RYR3: variants seen among roughly 807,000 people sequenced by gnomAD.
The protein encoded by RYR3 is brain ryanodine receptor-calcium release channel.
Under a neutral mutation model 584.3 loss-of-function variants are expected in RYR3, and 207 were observed. The observed-to-expected ratio is 0.35, with a 90% confidence interval of 0.32 to 0.40. The LOEUF (loss-of-function observed/expected upper bound fraction) is 0.40. RYR3 is among the 10% of genes least tolerant of loss of function. RYR3 has a pLI of 1.00. For missense variants in RYR3, 5,616 were observed against 6,089.2 expected (o/e 0.92, Z 2.59); for synonymous variants, 2,416 against 2,248.5 (o/e 1.07, Z -2.11).
chr15:33,662,000 G>C (rs958585880), intron 34 of RYR3, among the ~76,000 whole-genome samples, 153 bp from the exon 35 acceptor site: 1 of 152,194 alleles, frequency 6.6e-6, no homozygotes, highest in Non-Finnish European at 1.5e-5. Context: ...ATACGGACCA[G>C]AGCTGAGAGA....
chr15:33,840,971 A>T, intron 90 of RYR3, 88 bp downstream of exon 90: 1 of 1,197,440 alleles, frequency 8.4e-7, no homozygotes. Context: ...TAATCCCAGC[A>T]CTTTGAGAGG....
intron 2 of RYR3, among the ~76,000 whole-genome samples, chr15:33,490,048 G>A (rs1446294715): frequency 6.6e-6 from 1 of 152,144 alleles, no homozygotes; most frequent in African/African-American, 2.4e-5. Context: ...TGATAATAGA[G>A]CAAATAGTTG....
At chr15:33,820,847 C>T (rs1304107504) in intron 78 of RYR3, 35 bp downstream of exon 78, 45 of 1,392,342 alleles carry the variant, frequency 3.2e-5, no homozygotes, top group Non-Finnish European at 4.1e-5. Flanking sequence ...TAGAGCCACC[C>T]TCCAAGGCCA....
chr15:33,743,059 A>G (rs566663485), intron 52 of RYR3, among the ~76,000 whole-genome samples: 1 of 152,334 alleles, frequency 6.6e-6, no homozygotes, highest in African/African-American at 2.4e-5. Context: ...AAGGATATCC[A>G]GGATTCCTGT....
At chr15:33,810,931 G>A (rs1387787799) in intron 71 of RYR3, 47 bp from the exon 72 acceptor site, 9 of 1,514,458 alleles carry the variant, frequency 5.9e-6, no homozygotes, top group Non-Finnish European at 8.2e-6. Flanking sequence ...CTACTTGACA[G>A]TTCCATGGTG....
At chr15:33,473,900 T>C (rs1476217238) in intron 2 of RYR3, among the ~76,000 whole-genome samples, 1 of 152,186 alleles carries the variant, frequency 6.6e-6, no homozygotes, top group African/African-American at 2.4e-5. Flanking sequence ...CCTGCTGTTG[T>C]TCTATTGCTA....
At chr15:33,706,701 G>A (rs181916026) in intron 42 of RYR3, among the ~76,000 whole-genome samples, 8 of 152,316 alleles carry the variant, frequency 5.3e-5, no homozygotes, top group Non-Finnish European at 8.8e-5. Context: ...ATACCCAGAA[G>A]TGAAATTGCT....
At chr15:33,416,282 T>C (rs1160261076) in intron 1 of RYR3, among the ~76,000 whole-genome samples, 1 of 152,214 alleles carries the variant, frequency 6.6e-6, no homozygotes, top group East Asian at 1.9e-4. Context: ...ATCTCCAAGC[T>C]GCTTTCCACA....
At position 33,668,063 on chromosome 15, in the gene RYR3, G is replaced by GA. The variant is rs35864583; in HGVS notation, c.5620-1276dup. Among the ~76,000 whole-genome samples, 563 of 97,620 alleles carry GA rather than the reference G, an allele frequency of 5.8e-3. 20 individuals carry two copies. The highest frequency in any genetic ancestry group is 0.022 in the African/African-American group (541 of 24,894). The allele number at this position is 97,620 out of a possible 152,430, so 64.0% of individuals were successfully genotyped here. A position where few individuals can be genotyped will look rare whatever the true frequency, so the allele number is the denominator to read the frequency against. On this transcript the variant is annotated intron_variant, in intron 36 of 103. Transcript: ENST00000634891. ...GGGCAACAAAGCAAGACTCAGTCTT[G>GA]AAAAAAAAAAAAAAATCCCTGAGAC...
chr15:33,696,862 G>A (rs2065894109), intron 39 of RYR3, among the ~76,000 whole-genome samples: 1 of 152,142 alleles, frequency 6.6e-6, no homozygotes, highest in African/African-American at 2.4e-5. Context: ...CTGAAAAATT[G>A]CCACCTGATC....
At position 33,681,472 on chromosome 15, in the gene RYR3, A is replaced by G. The variant is rs148409779; in HGVS notation, c.5860+10916A>G. On this transcript the variant is annotated intron_variant, in intron 38 of 103. Coordinates refer to ENST00000634891, the MANE Select transcript of RYR3 (RefSeq NM_001036.6). ...TCTGAAAAGTCTCTTTTGTAAGGTAACATATTCATAGGTTCTGGTAATTAG... is the reference window on the plus strand; with the variant it reads ...TCTGAAAAGTCTCTTTTGTAAGGTAGCATATTCATAGGTTCTGGTAATTAG... Among the ~76,000 whole-genome samples the G allele has an allele frequency of 3.1e-3, 476 of 152,314 alleles. 4 individuals carry two copies. The highest frequency in any genetic ancestry group is 0.011 in the African/African-American group (450 of 41,572).
chr15:33,727,377 T>G (rs2068555766), intron 46 of RYR3, among the ~76,000 whole-genome samples: 1 of 152,174 alleles, frequency 6.6e-6, no homozygotes, highest in Non-Finnish European at 1.5e-5. Context: ...CCACAGAAGG[T>G]TTTTGTGGGA....
In RYR3 at chr15:33,837,856, T is replaced by C. The variant is rs114681942; in HGVS notation, c.11876T>C (p.Ile3959Thr). The C allele has an allele frequency of 1.1e-4, 179 of 1,613,992 alleles. No homozygotes were observed. In the African/African-American group the frequency reaches 1.5e-3, roughly 13 times the overall value. Residue 3959 changes from isoleucine to threonine, a missense_variant, in exon 89 of 104, where the codon ATT becomes ACT. By Grantham distance (89) the Ile-to-Thr change is moderately conservative (BLOSUM62 -1). This residue lies in a region of RYR3 where 258 missense variants were observed against 297.3 expected (regional missense o/e 0.87). Coordinates refer to ENST00000634891, the MANE Select transcript of RYR3 (RefSeq NM_001036.6). ...EGQKQYTQSEIDFLLSCAEAD... is the reference protein window; with the variant it reads ...EGQKQYTQSETDFLLSCAEAD... Reference sequence around the variant, plus strand: ...CAAAAACAGTACACGCAGTCAGAGATTGACTTTCTCCTGTCGTGTGCAGAA... The same window carrying C: ...CAAAAACAGTACACGCAGTCAGAGACTGACTTTCTCCTGTCGTGTGCAGAA...
intron 1 of RYR3, among the ~76,000 whole-genome samples, chr15:33,379,687 C>CTCTCTCTCTCTCTCTCTCTCTATATA: frequency 7.2e-5 from 9 of 125,522 alleles, no homozygotes; most frequent in African/African-American, 2.8e-4. Flanking sequence ...CTCTCTCTCT[C>CTCTCTCTCTCTCTCTCTCTCTATATA]TATATATATA....
Position 33,440,299 on chromosome 15 carries a change from C to G in RYR3, c.52-33120C>G, listed in dbSNP as rs1456239760. ...GAGACCCTGTCTCAAAAAATTGAGT[C>G]CGACTTCATATGGACTGCTGACTCA... On this transcript the variant is annotated intron_variant, in intron 1 of 103. Coordinates refer to ENST00000634891, the MANE Select transcript of RYR3 (RefSeq NM_001036.6). Among the ~76,000 whole-genome samples the G allele has an allele frequency of 2.6e-5, 4 of 152,152 alleles. No individual in the cohort carries two copies. In the East Asian group the frequency reaches 7.7e-4, roughly 29 times the overall value.
In RYR3 at chr15:33,752,304, T is replaced by C. The variant is rs561315417; in HGVS notation, c.8399+2018T>C. Among the ~76,000 whole-genome samples, 8 of 152,376 alleles carry C rather than the reference T, an allele frequency of 5.3e-5. No homozygotes were observed. In the East Asian group the frequency reaches 1.3e-3, roughly 26 times the overall value. The stretch of plus-strand genomic sequence containing the variant: ...AGCTTGATGGGAATAGCATTGAATC[T>C]ATAAATGACTTTGGGCAGTATGGCC... On this transcript the variant is annotated intron_variant, in intron 57 of 103. Transcript: ENST00000634891.
chr15:33,761,404 A>G (rs1249005144), intron 60 of RYR3, among the ~76,000 whole-genome samples: 1 of 152,230 alleles, frequency 6.6e-6, no homozygotes, highest in Non-Finnish European at 1.5e-5. Flanking sequence ...ACAATAAAAA[A>G]TGATAAAGGG....
At chr15:33,555,306 C>T (rs976070789) in intron 10 of RYR3, among the ~76,000 whole-genome samples, 3 of 152,156 alleles carry the variant, frequency 2.0e-5, no homozygotes, top group African/African-American at 4.8e-5. Context: ...CCCTTGCTTG[C>T]TCCGTTTTCT....
At chr15:33,708,472 G>A (rs936067136) in intron 43 of RYR3, among the ~76,000 whole-genome samples, 5 of 152,084 alleles carry the variant, frequency 3.3e-5, no homozygotes, top group Admixed American at 2.0e-4. Flanking sequence ...GCTTTTGTGG[G>A]TTAGGTACAA....
Sources: allele counts gnomAD v4.1 joint callset (sites outside exome capture counted in the v4.1 genomes callset), GRCh38; gene constraint gnomAD v4.1.1; regional missense constraint gnomAD v4.1.1; transcripts MANE v1.5; gene names NCBI Gene and HGNC (gene_info 2026-07-23, HGNC 2026-07-21).